Variants in CTSC observed in about 807,000 individuals in gnomAD.
The protein encoded by CTSC is dipeptidyl peptidase 1.
Under a neutral mutation model 40.9 loss-of-function variants are expected in CTSC, and 37 were observed. The observed-to-expected ratio is 0.91, with a 90% CI of 0.70 to 1.19. The LOEUF (loss-of-function observed/expected upper bound fraction) is 1.19. Ranked by LOEUF, CTSC falls within the 50% of genes most tolerant of loss-of-function variation. CTSC has a pLI of 0.00. For synonymous variants in CTSC, 232 were observed against 207.4 expected (o/e 1.12, Z -1.02); for missense variants, 594 against 567.3 (o/e 1.05, Z -0.48).
chr11:88,309,053 C>A (rs1378984204), intron 4 of CTSC, 110 bp downstream of exon 4: 13 of 909,156 alleles, frequency 1.4e-5, no homozygotes, highest in Non-Finnish European at 2.3e-5. Context: ...TAAAAAGTTA[C>A]AACTGGGATG....
intron 1 of CTSC, among the ~76,000 whole-genome samples, chr11:88,335,964 T>A (rs968868566): frequency 2.0e-5 from 3 of 152,136 alleles, no homozygotes. Context: ...TAGAGGTCTG[T>A]ATCCTATAAA....
chr11:88,335,677 C>G (rs79403635), intron 1 of CTSC, among the ~76,000 whole-genome samples: 3,905 of 152,210 alleles, frequency 0.026, 71 homozygotes, highest in South Asian at 0.069. Context: ...AATTTTTCCA[C>G]TGAACAAAAG....
chr11:88,300,251 G>A (rs1005500997), intron 5 of CTSC, among the ~76,000 whole-genome samples: 7 of 152,172 alleles, frequency 4.6e-5, no homozygotes, highest in African/African-American at 1.7e-4. Flanking sequence ...GGACAAATGA[G>A]TTTGTCTTAC....
At chr11:88,316,817 G>A (rs1937891167) in intron 2 of CTSC, among the ~76,000 whole-genome samples, 1 of 152,148 alleles carries the variant, frequency 6.6e-6, no homozygotes, top group African/African-American at 2.4e-5. Context: ...ATATCACAAT[G>A]TCTGACAGTC....
At chr11:88,320,201 T>C (rs1355126613) in intron 2 of CTSC, among the ~76,000 whole-genome samples, 3 of 152,212 alleles carry the variant, frequency 2.0e-5, no homozygotes, top group Non-Finnish European at 4.4e-5. Flanking sequence ...GCCAAGCAAC[T>C]TCCAGCATTT....
chr11:88,322,367 TA>T (rs1938041937), intron 2 of CTSC: 1 of 152,208 alleles, frequency 6.6e-6, no homozygotes, highest in Admixed American at 6.5e-5. Context: ...TCCAGGGTTT[TA>T]TAATTTTGGG....
intron 4 of CTSC, among the ~76,000 whole-genome samples, chr11:88,305,774 A>G (rs545643480): frequency 6.6e-6 from 1 of 152,358 alleles, no homozygotes; most frequent in East Asian, 1.9e-4. Flanking sequence ...TCATGAAAAC[A>G]GTCCTTCATA....
In CTSC at chr11:88,337,673, G is replaced by A. The variant is rs371501505; in HGVS notation, c.-1C>T. On this transcript the variant is annotated 5_prime_UTR_variant, in exon 1 of 7. Coordinates refer to ENST00000227266, the MANE Select transcript of CTSC (RefSeq NM_001814.6). The stretch of plus-strand genomic sequence containing the variant: ...GCAGCAAGGAGGGCCCAGCACCCAT[G>A]CTGCAGGGAGCTGAGAAAAGAGGTG... The A allele has an allele frequency of 8.9e-6, 14 of 1,569,710 alleles. No individual in the cohort carries two copies. The African/African-American group carries it at 9.5e-5, about 11-fold the overall frequency.
intron 2 of CTSC, chr11:88,325,958 C>A (rs1165304619): frequency 3.0e-6 from 3 of 994,392 alleles, no homozygotes; most frequent in East Asian, 2.1e-4. Flanking sequence ...GAAAGACACT[C>A]AGGCAGACAG....
chr11:88,296,215 C>A lies in CTSC; in HGVS notation c.807G>T (p.Ala269=), dbSNP rs950515818. ...YSFASMGMLE[A]RIRILTNNSQ... Reference sequence around the variant, plus strand: ...AATTGTTGGTTAGTATACGGATTCTCGCTTCTAGCATACCCATAGAAGCAA... The same window carrying A: ...AATTGTTGGTTAGTATACGGATTCTAGCTTCTAGCATACCCATAGAAGCAA... Residue 269 remains alanine, a synonymous_variant, in exon 6 of 7, where the codon GCG becomes GCT. Coordinates refer to ENST00000227266, the MANE Select transcript of CTSC (RefSeq NM_001814.6). The A allele has an allele frequency of 6.2e-7, 1 of 1,613,992 alleles. No homozygotes were observed. The highest frequency in any genetic ancestry group is 1.1e-5 in the South Asian group (1 of 91,058).
At chr11:88,309,422 T>C in intron 3 of CTSC, 104 bp from the exon 4 acceptor site, 2 of 991,580 alleles carry the variant, frequency 2.0e-6, no homozygotes, top group East Asian at 2.4e-5. Context: ...AGTGGTACAA[T>C]CTTTCAGGAA....
intron 3 of CTSC, among the ~76,000 whole-genome samples, chr11:88,311,193 G>C (rs1454239084): frequency 3.3e-5 from 5 of 152,192 alleles, no homozygotes; most frequent in Non-Finnish European, 5.9e-5. Context: ...ATATCAAATA[G>C]AGTACAATAG....
intron 4 of CTSC, among the ~76,000 whole-genome samples, chr11:88,303,871 T>C (rs893298207): frequency 4.6e-5 from 7 of 151,818 alleles, no homozygotes; most frequent in African/African-American, 1.7e-4. Context: ...AGGAGAAGAT[T>C]AGAGTGCTGC....
At chr11:88,336,285 A>C (rs567777777) in intron 1 of CTSC, among the ~76,000 whole-genome samples, 3 of 151,114 alleles carry the variant, frequency 2.0e-5, no homozygotes, top group African/African-American at 7.3e-5. Flanking sequence ...TCCCGCCTGT[A>C]ATCCCAGTAC....
At chr11:88,306,519 C>A (rs933802207) in intron 4 of CTSC, among the ~76,000 whole-genome samples, 3 of 151,540 alleles carry the variant, frequency 2.0e-5, no homozygotes, top group Non-Finnish European at 1.5e-5. Flanking sequence ...AGGAACAGAG[C>A]GGCACAGAGC....
rs1938545983 is a variant in CTSC, at chr11:88,337,694, A to T, written c.-22T>A. On this transcript the variant is annotated 5_prime_UTR_variant, in exon 1 of 7. Transcript: ENST00000227266. Reference sequence around the variant, plus strand: ...CCATGCTGCAGGGAGCTGAGAAAAGAGGTGAAGAATTACCAGGAAGCCGAG... The same window carrying T: ...CCATGCTGCAGGGAGCTGAGAAAAGTGGTGAAGAATTACCAGGAAGCCGAG... 1.3e-6 allele frequency: 2 copies of T among 1,559,614 alleles called. No homozygotes were observed. Among genetic ancestry groups the T allele is most frequent in the South Asian group, 1.2e-5 (1 of 84,682 alleles).
At chr11:88,324,974 C>T in intron 2 of CTSC, 8 of 985,208 alleles carry the variant, frequency 8.1e-6, no homozygotes, top group Non-Finnish European at 9.6e-6. Context: ...GTAAGGATGA[C>T]AAACTACTCT....
chr11:88,301,964 A>G (rs930102948), intron 4 of CTSC, among the ~76,000 whole-genome samples: 2 of 152,070 alleles, frequency 1.3e-5, no homozygotes, highest in African/African-American at 4.8e-5. Context: ...CTCACCACTT[A>G]AAACTCCCCT....
At chr11:88,317,088 G>A (rs1402011824) in intron 2 of CTSC, among the ~76,000 whole-genome samples, 2 of 151,814 alleles carry the variant, frequency 1.3e-5, no homozygotes, top group Non-Finnish European at 2.9e-5. Flanking sequence ...TGCCTCAGCC[G>A]CCTGAGTAGC....
Sources: allele counts gnomAD v4.1 joint callset (sites outside exome capture counted in the v4.1 genomes callset), GRCh38; gene constraint gnomAD v4.1.1; transcripts MANE v1.5; gene names NCBI Gene and HGNC (gene_info 2026-07-23, HGNC 2026-07-21).